Variants in VTI1A observed in about 807,000 individuals in gnomAD.
VTI1A encodes vesicle transport through interaction with t-SNAREs 1A.
In VTI1A, 22 loss-of-function variants were observed where a neutral mutation model predicts 34.9. The ratio of observed to expected loss-of-function variants is 0.63; its 90% CI spans 0.45 to 0.90. VTI1A has a LOEUF of 0.90. Ranked by LOEUF, VTI1A falls within the 40% of genes least tolerant of loss-of-function variation. The pLI, the probability that VTI1A is intolerant of heterozygous loss-of-function variation, is 0.00. For missense variants in VTI1A, 268 were observed against 275.6 expected (o/e 0.97, Z 0.20); for synonymous variants, 87 against 97.3 (o/e 0.89, Z 0.62).
At chr10:112,620,024 T>A (rs1176710533) in intron 5 of VTI1A, among the ~76,000 whole-genome samples, 1 of 152,146 alleles carries the variant, frequency 6.6e-6, no homozygotes, top group African/African-American at 2.4e-5. Flanking sequence ...CTTTTAAAAC[T>A]CTCCTCTAAA....
chr10:112,615,632 A>G (rs1371728971), intron 5 of VTI1A, among the ~76,000 whole-genome samples: 1 of 152,230 alleles, frequency 6.6e-6, no homozygotes, highest in Non-Finnish European at 1.5e-5. Flanking sequence ...ATTGATGGAA[A>G]GTCCAAAGGG....
chr10:112,610,456 C>T (rs979932143), intron 5 of VTI1A, among the ~76,000 whole-genome samples: 2 of 152,066 alleles, frequency 1.3e-5, no homozygotes. Context: ...TGAAATCATC[C>T]AGTCCAATTT....
At chr10:112,584,078 A>T (rs1478465928) in intron 5 of VTI1A, among the ~76,000 whole-genome samples, 2 of 152,218 alleles carry the variant, frequency 1.3e-5, no homozygotes, top group Non-Finnish European at 2.9e-5. Flanking sequence ...TATTCAAGAA[A>T]ACCATTTGTT....
chr10:112,465,093 C>A (rs1036541982), intron 3 of VTI1A, among the ~76,000 whole-genome samples: 5 of 152,106 alleles, frequency 3.3e-5, no homozygotes, highest in African/African-American at 9.7e-5. Context: ...ACTCCATAGA[C>A]TTTATTAGAT....
chr10:112,646,580 G>T (rs1313639948), intron 5 of VTI1A, among the ~76,000 whole-genome samples: 1 of 151,178 alleles, frequency 6.6e-6, no homozygotes, highest in African/African-American at 2.4e-5. Context: ...CTGCAATCTT[G>T]GCTGACTGCA....
At chr10:112,853,461 G>T in the VTI1A span, among the ~76,000 whole-genome samples, 13 of 152,176 alleles carry the variant, frequency 8.5e-5, no homozygotes, top group Admixed American at 6.5e-5. Context: ...CTCATGAGGC[G>T]AGGGGCAAGG....
chr10:112,628,447 A>T (rs184646454), intron 5 of VTI1A, among the ~76,000 whole-genome samples: 24 of 152,336 alleles, frequency 1.6e-4, no homozygotes, highest in Non-Finnish European at 2.2e-4. Flanking sequence ...ATGTATAATA[A>T]TCATTTTATG....
rs945616213 is a variant in VTI1A, at chr10:112,739,853, A to G, written c.560+70855A>G. 6.6e-5 allele frequency among the ~76,000 whole-genome samples: 10 copies of G among 152,250 alleles called. No individual in the cohort carries two copies. The South Asian group carries it at 1.2e-3, about 19-fold the overall frequency. The stretch of plus-strand genomic sequence containing the variant: ...GATTATCTTTCTTGTTGCTGGGGCC[A>G]AGGCCCCCAGAAAGTGGAAACATAA... On this transcript the variant is annotated intron_variant, in intron 7 of 7. Coordinates refer to ENST00000393077, the MANE Select transcript of VTI1A (RefSeq NM_145206.4).
At chr10:112,474,195 G>A (rs1348371840) in intron 3 of VTI1A, among the ~76,000 whole-genome samples, 2 of 151,942 alleles carry the variant, frequency 1.3e-5, no homozygotes, top group Non-Finnish European at 2.9e-5. Flanking sequence ...CCGAGTAGCT[G>A]GGACCACAGG....
intron 5 of VTI1A, among the ~76,000 whole-genome samples, chr10:112,649,355 G>C (rs1234422348): frequency 1.3e-5 from 2 of 152,176 alleles, no homozygotes; most frequent in Admixed American, 6.5e-5. Flanking sequence ...GATTCTCAAG[G>C]TGTATCAGTC....
At chr10:112,789,646 A>G (rs945977053) in intron 7 of VTI1A, among the ~76,000 whole-genome samples, 12 of 152,050 alleles carry the variant, frequency 7.9e-5, no homozygotes, top group African/African-American at 2.9e-4. Context: ...TTCAGATTGG[A>G]TAATTTCTTT....
intron 7 of VTI1A, among the ~76,000 whole-genome samples, chr10:112,713,196 C>G (rs926640759): frequency 6.6e-6 from 1 of 152,106 alleles, no homozygotes; most frequent in African/African-American, 2.4e-5. Context: ...CTGACCACCA[C>G]GATGCATGCA....
At chr10:112,574,729 A>T (rs1451141608) in intron 5 of VTI1A, among the ~76,000 whole-genome samples, 2 of 152,208 alleles carry the variant, frequency 1.3e-5, no homozygotes, top group Non-Finnish European at 2.9e-5. Flanking sequence ...CATAAAATCG[A>T]ATGGACATGA....
intron 3 of VTI1A, chr10:112,464,884 C>T: frequency 1.8e-6 from 1 of 551,216 alleles, no homozygotes; most frequent in Non-Finnish European, 3.2e-6. Context: ...ATCATGCGGC[C>T]CTTTGAGTCT....
intron 7 of VTI1A, among the ~76,000 whole-genome samples, chr10:112,775,838 A>G (rs1851941297): frequency 6.6e-6 from 1 of 152,226 alleles, no homozygotes; most frequent in Non-Finnish European, 1.5e-5. Flanking sequence ...GTGGGTTTTA[A>G]AAATATATCA....
intron 7 of VTI1A, among the ~76,000 whole-genome samples, chr10:112,700,392 T>C (rs1019075927): frequency 6.6e-6 from 1 of 152,152 alleles, no homozygotes; most frequent in African/African-American, 2.4e-5. Flanking sequence ...CAAAGATACT[T>C]ACAAATGAAA....
intron 5 of VTI1A, among the ~76,000 whole-genome samples, chr10:112,609,739 T>TA (rs1288262779): frequency 2.0e-5 from 3 of 152,114 alleles, no homozygotes; most frequent in African/African-American, 4.8e-5. Flanking sequence ...CCCTCAATTT[T>TA]AAAAAAATGA....
At chr10:112,662,500 T>C (rs551426779) in intron 5 of VTI1A, among the ~76,000 whole-genome samples, 1 of 152,334 alleles carries the variant, frequency 6.6e-6, no homozygotes, top group African/African-American at 2.4e-5. Context: ...TTTATTTGGT[T>C]TCTTTTTAGA....
In VTI1A at chr10:112,573,789, T is replaced by C. The variant is rs546173448; in HGVS notation, c.427+35459T>C. ...AGCCGTTCAGAACAGCAAAGCTGTC[T>C]TATTGCCTGAAAAAGTTTGTAATGT... On this transcript the variant is annotated intron_variant, in intron 5 of 7. Transcript: ENST00000393077. 1.1e-4 allele frequency among the ~76,000 whole-genome samples: 16 copies of C among 152,370 alleles called. No homozygotes were observed. In the South Asian group the frequency reaches 2.7e-3, roughly 26 times the overall value.
Sources: gnomAD v4.1 joint callset for allele counts (sites outside exome capture counted in the v4.1 genomes callset) on GRCh38, gnomAD v4.1.1 for gene constraint, MANE v1.5 for transcripts, NCBI Gene and HGNC (gene_info 2026-07-23, HGNC 2026-07-21) for gene names.